NRF1: variants seen among roughly 807,000 people sequenced by gnomAD.
NRF1 encodes the protein nuclear respiratory factor 1, also known as alpha palindromic-binding protein.
In NRF1, 5 loss-of-function variants were observed where a neutral mutation model predicts 58.5. The ratio of observed to expected loss-of-function variants is 0.09; its 90% confidence interval spans 0.04 to 0.18. NRF1 has a LOEUF of 0.18. NRF1 is among the 10% of genes least tolerant of loss of function. NRF1 has a pLI of 1.00. For synonymous variants in NRF1, 224 were observed against 246.7 expected (o/e 0.91, Z 0.86); for missense variants, 288 against 657.7 (o/e 0.44, Z 6.15).
intron 1 of NRF1, among the ~76,000 whole-genome samples, chr7:129,613,625 C>T (rs547332321): frequency 6.6e-6 from 1 of 152,010 alleles, no homozygotes; most frequent in South Asian, 2.1e-4. Context: ...CGGCCGGGTG[C>T]GGTGGCTCAC....
At chr7:129,745,418 A>G (rs1163161262) in intron 10 of NRF1, among the ~76,000 whole-genome samples, 4 of 152,062 alleles carry the variant, frequency 2.6e-5, no homozygotes, top group Admixed American at 1.3e-4. Flanking sequence ...TCAGATCATC[A>G]GCGGCATCAG....
chr7:129,683,308 T>TGAGAGAGA (rs1249992360), intron 4 of NRF1, among the ~76,000 whole-genome samples: 3 of 143,006 alleles, frequency 2.1e-5, no homozygotes, highest in African/African-American at 8.0e-5. Context: ...TGTGTGTGTG[T>TGAGAGAGA]GTGTGTGTGT....
intron 10 of NRF1, among the ~76,000 whole-genome samples, chr7:129,738,128 C>T (rs1039630861): frequency 6.6e-6 from 1 of 152,206 alleles, no homozygotes; most frequent in African/African-American, 2.4e-5. Flanking sequence ...GCTGAGGCAT[C>T]GCCTGTTCTG....
chr7:129,732,648 G>A (rs1201203918), intron 10 of NRF1, among the ~76,000 whole-genome samples: 1 of 151,996 alleles, frequency 6.6e-6, no homozygotes, highest in East Asian at 1.9e-4. Flanking sequence ...TGTTGTCCAG[G>A]CTGGAGTGCA....
chr7:129,743,808 C>A (rs764636976), intron 10 of NRF1, among the ~76,000 whole-genome samples: 21 of 152,208 alleles, frequency 1.4e-4, no homozygotes, highest in Non-Finnish European at 2.6e-4. Flanking sequence ...TCCTCTGCCC[C>A]CCGACCCAGC....
chr7:129,656,065 T>C (rs1316709368), intron 1 of NRF1, among the ~76,000 whole-genome samples: 2 of 152,188 alleles, frequency 1.3e-5, no homozygotes, highest in African/African-American at 4.8e-5. Context: ...GCTATGAACA[T>C]GGGTGTACAG....
chr7:129,619,678 C>T (rs1800748501), intron 1 of NRF1, among the ~76,000 whole-genome samples: 1 of 147,450 alleles, frequency 6.8e-6, no homozygotes, highest in Admixed American at 6.8e-5. Context: ...AGCTTAAATG[C>T]TTTGGGAGAT....
intron 5 of NRF1, among the ~76,000 whole-genome samples, chr7:129,705,358 G>A (rs1308027113): frequency 6.6e-6 from 1 of 151,960 alleles, no homozygotes; most frequent in Admixed American, 6.6e-5. Context: ...TTGAGCGATC[G>A]TAGCTCACTG....
At chr7:129,663,780 GGGA>G (rs918087233) in intron 2 of NRF1, among the ~76,000 whole-genome samples, 1 of 152,202 alleles carries the variant, frequency 6.6e-6, no homozygotes, top group Non-Finnish European at 1.5e-5. Flanking sequence ...GCAGGCAGCT[GGGA>G]GGTGGAGGTT....
intron 10 of NRF1, chr7:129,735,260 G>A (rs957249509): frequency 6.1e-6 from 6 of 984,736 alleles, no homozygotes; most frequent in East Asian, 2.3e-4. Context: ...TGCTGGGTGC[G>A]GTGGCTCACG....
intron 2 of NRF1, 84 bp downstream of exon 2, chr7:129,657,658 G>A (rs1209563719): frequency 1.2e-6 from 1 of 854,730 alleles, no homozygotes; most frequent in Non-Finnish European, 1.8e-6. Flanking sequence ...TGCTCAGGCT[G>A]GGGTGCAGCA....
intron 10 of NRF1, among the ~76,000 whole-genome samples, chr7:129,728,569 G>A (rs972490372): frequency 2.0e-5 from 3 of 152,010 alleles, no homozygotes; most frequent in South Asian, 4.2e-4. Context: ...GGCATTAGTG[G>A]CAGAAAGAAA....
chr7:129,649,627 T>A (rs1801489596), intron 1 of NRF1, among the ~76,000 whole-genome samples: 1 of 152,140 alleles, frequency 6.6e-6, no homozygotes, highest in Admixed American at 6.5e-5. Flanking sequence ...AAGACAATCT[T>A]TTTCTGTGTT....
chr7:129,613,165 T>G (rs1407282710), intron 1 of NRF1, among the ~76,000 whole-genome samples: 3 of 152,160 alleles, frequency 2.0e-5, no homozygotes, highest in Non-Finnish European at 2.9e-5. Flanking sequence ...TCCCGGGACA[T>G]CATCTGTGCT....
At chr7:129,619,084 A>G (rs1194620606) in intron 1 of NRF1, among the ~76,000 whole-genome samples, 2 of 152,000 alleles carry the variant, frequency 1.3e-5, no homozygotes, top group Non-Finnish European at 2.9e-5. Context: ...GTGAAGAAAA[A>G]AAACTAAGGG....
chr7:129,739,070 C>G (rs957427622), intron 10 of NRF1, among the ~76,000 whole-genome samples: 2 of 152,162 alleles, frequency 1.3e-5, no homozygotes, highest in East Asian at 3.8e-4. Flanking sequence ...CAAAGACTCA[C>G]GGTAAATCTT....
chr7:129,615,423 C>CTA (rs3042933), intron 1 of NRF1, among the ~76,000 whole-genome samples: 136,883 of 152,208 alleles, frequency 0.9, 61,580 homozygotes, highest in East Asian at 0.93. Flanking sequence ...TTGTGTGTGA[C>CTA]TGTGTGATGC....
At chr7:129,682,631 A>G (rs1221864852) in intron 4 of NRF1, among the ~76,000 whole-genome samples, 2 of 95,962 alleles carry the variant, frequency 2.1e-5, no homozygotes, top group Admixed American at 9.5e-5. Flanking sequence ...AAAAAAATGT[A>G]AAAAAAAAAA....
intron 10 of NRF1, among the ~76,000 whole-genome samples, chr7:129,743,175 TAAA>T (rs5887444): frequency 4.8e-5 from 7 of 146,964 alleles, no homozygotes; most frequent in South Asian, 2.2e-4. Flanking sequence ...ACCCCTTGTT[TAAA>T]AAAAAAAAAA....
Sources: gnomAD v4.1 joint callset for allele counts (sites outside exome capture counted in the v4.1 genomes callset) on GRCh38, gnomAD v4.1.1 for gene constraint, MANE v1.5 for transcripts, NCBI Gene and HGNC (gene_info 2026-07-23, HGNC 2026-07-21) for gene names.